Variants in TUBGCP6 observed in about 807,000 individuals in gnomAD.
TUBGCP6 encodes gamma-tubulin complex component 6.
A neutral mutation model predicts 175.8 loss-of-function variants in TUBGCP6; 161 were observed. The observed-to-expected ratio is 0.92, with a 90% CI of 0.81 to 1.04. TUBGCP6 has a LOEUF of 1.04. Ranked by LOEUF, TUBGCP6 falls within the 50% of genes least tolerant of loss-of-function variation. The pLI is 0.00. For synonymous variants in TUBGCP6, 1,173 were observed against 1,030.5 expected (o/e 1.14, Z -2.65); for missense variants, 2,572 against 2,433.0 (o/e 1.06, Z -1.20).
In TUBGCP6 at chr22:50,244,479, C is replaced by A. The variant is rs2064893259; in HGVS notation, c.-20G>T. 1.9e-6 allele frequency: 3 copies of A among 1,588,800 alleles called. No individual in the cohort carries two copies. The highest frequency in any genetic ancestry group is 3.5e-5 in the Admixed American group (2 of 57,336). The stretch of plus-strand genomic sequence containing the variant: ...GGCCATGCCCCTTCTCAGCTCCGGG[C>A]CCCCGGCGTGTGGGAAAACACCTCA... On this transcript the variant is annotated 5_prime_UTR_variant, in exon 1 of 25. Transcript: ENST00000248846.
chr22:50,221,131 C>T lies in TUBGCP6; in HGVS notation c.3228G>A (p.Arg1076=), dbSNP rs748845944. Residue 1076 remains arginine (R), a synonymous_variant, in exon 16 of 25, where the codon CGG becomes CGA. Transcript: ENST00000248846. ...NVSDVAPTQP[R]WNTHGHVSNA... ...TGGATACGTGTCCGTGGGTGTTCCA[C>T]CGTGGCTGGGTGGGAGCCACATCTG... is the stretch of plus-strand genomic sequence containing the variant. The T allele has an allele frequency of 3.7e-6, 6 of 1,613,252 alleles. No homozygotes were observed. In the South Asian group the frequency reaches 5.5e-5, roughly 15 times the overall value.
Position 50,221,578 on chromosome 22 carries a change from C to A in TUBGCP6, c.2781G>T (p.Leu927Phe), listed in dbSNP as rs1463707464. ...CCCCAGGAGCTGAGGGGGGCAGGTC[C>A]AAGTTAATGGTCTGCAGCGCCACCT... ...LLEVALQTIN[L>F]DLPPSAPGEA... The change falls in exon 16 of 25, where the codon TTG becomes TTT. Residue 927 changes from leucine to phenylalanine, a missense_variant. Coordinates refer to ENST00000248846, the MANE Select transcript of TUBGCP6 (RefSeq NM_020461.4). 1.3e-6 allele frequency: 2 copies of A among 1,584,844 alleles called. No homozygotes were observed. The highest frequency in any genetic ancestry group is 1.7e-6 in the Non-Finnish European group (2 of 1,163,534).
At chr22:50,241,602 T>G (rs1251242215) in intron 1 of TUBGCP6, among the ~76,000 whole-genome samples, 1 of 152,178 alleles carries the variant, frequency 6.6e-6, no homozygotes, top group East Asian at 1.9e-4. Flanking sequence ...TAGATAGCAG[T>G]AGCAAATTAG....
chr22:50,219,203 G>A lies in TUBGCP6; in HGVS notation c.4491C>T (p.Ser1497=). ...AGTCGACAGCGGCCTTGTTCACCAA[G>A]GAGATGCTGGCAGGAGGGAGCTGGA... The part of the protein sequence containing the change: ...SITAPLAAHI[S]LVNKAAVDYF... Residue 1497 remains serine, a synonymous_variant, in exon 20 of 25, where the codon TCC becomes TCT. Coordinates refer to ENST00000248846, the MANE Select transcript of TUBGCP6 (RefSeq NM_020461.4). The A allele has an allele frequency of 6.2e-7, 1 of 1,611,228 alleles. No individual in the cohort carries two copies. The highest frequency in any genetic ancestry group is 8.5e-7 in the Non-Finnish European group (1 of 1,179,984).
In TUBGCP6 at chr22:50,244,243, A is replaced by T. The variant is rs1443674471; in HGVS notation, c.217T>A (p.Leu73Met). 1.2e-6 allele frequency: 2 copies of T among 1,613,536 alleles called. No homozygotes were observed. Among genetic ancestry groups the T allele is most frequent in the South Asian group, 2.2e-5 (2 of 91,086 alleles). Residue 73 changes from leucine (L) to methionine (M), a missense_variant, in exon 1 of 25, where the codon TTG becomes ATG. Leu to Met is a conservative substitution (Grantham distance 15). Coordinates refer to ENST00000248846, the MANE Select transcript of TUBGCP6 (RefSeq NM_020461.4). ...CCACCCACTCTCAAGTCAAAGGACA[A>T]CATGAGGATCTTGTTTCTCGCTGGT... The part of the protein sequence containing the change: ...KLPARNKILM[L>M]SFDLRVGGLG...
Position 50,227,926 on chromosome 22 carries a change from T to C in TUBGCP6, c.1393A>G (p.Lys465Glu). 1.9e-6 allele frequency: 3 copies of C among 1,576,238 alleles called. No homozygotes were observed. The highest frequency in any genetic ancestry group is 2.6e-6 in the Non-Finnish European group (3 of 1,160,558). ...GCTCACCTGAGCTGCCGGCCAAGTTTCTTGAAGAGAAAACCAATGGTGAGG... is the reference window on the plus strand; with the variant it reads ...GCTCACCTGAGCTGCCGGCCAAGTTCCTTGAAGAGAAAACCAATGGTGAGG... ...SLLTIGFLFK[K>E]LGRQLRYLAE... Residue 465 changes from lysine to glutamate, a missense_variant, in exon 5 of 25, where the codon AAA becomes GAA. Physicochemically the swap from Lys to Glu is moderately conservative, Grantham distance 56. Coordinates refer to ENST00000248846, the MANE Select transcript of TUBGCP6 (RefSeq NM_020461.4).
intron 1 of TUBGCP6, among the ~76,000 whole-genome samples, chr22:50,241,726 C>T (rs2064841077): frequency 6.6e-6 from 1 of 152,208 alleles, no homozygotes; most frequent in African/African-American, 2.4e-5. Flanking sequence ...ACGTGACCCA[C>T]GTGACCTTAC....
At chr22:50,238,066 G>A (rs898647956) in intron 2 of TUBGCP6, among the ~76,000 whole-genome samples, 3 of 152,110 alleles carry the variant, frequency 2.0e-5, no homozygotes, top group African/African-American at 7.2e-5. Flanking sequence ...CCAGGAGGCA[G>A]AGGTTGCAGT....
chr22:50,228,494 C>A (rs768673557), intron 4 of TUBGCP6, among the ~76,000 whole-genome samples: 3 of 152,182 alleles, frequency 2.0e-5, no homozygotes, highest in African/African-American at 4.8e-5. Flanking sequence ...TCCTGGGCAA[C>A]GCCACAGCAG....
chr22:50,239,316 A>G (rs926715570), intron 2 of TUBGCP6, among the ~76,000 whole-genome samples: 1 of 152,130 alleles, frequency 6.6e-6, no homozygotes, highest in Non-Finnish European at 1.5e-5. Flanking sequence ...AGCTGGGATT[A>G]TAAGCGAGCA....
At chr22:50,233,208 C>A in intron 3 of TUBGCP6, 108 bp downstream of exon 3, 1 of 1,336,206 alleles carries the variant, frequency 7.5e-7, no homozygotes, top group South Asian at 1.4e-5. Flanking sequence ...CCCTGCCACT[C>A]CCCACTCCCT....
chr22:50,222,674 C>T (rs1199654117), intron 13 of TUBGCP6, 82 bp from the exon 14 acceptor site: 6 of 1,570,968 alleles, frequency 3.8e-6, no homozygotes, highest in Non-Finnish European at 5.2e-6. Flanking sequence ...CAGGATGGTT[C>T]TCCATAACAG....
Position 50,217,934 on chromosome 22 carries a change from G to C in TUBGCP6, c.5352C>G (p.Ser1784=), listed in dbSNP as rs755841095. ...GGGCCTCACCTTTGAAGAGAAAGTG[G>C]GAGTAGTACTTGAAGGTGTTGTAGG... The part of the protein sequence containing the change: ...QQSYNTFKYY[S]HFLFKVVTKL... The change falls in exon 24 of 25, where the codon TCC becomes TCG. Residue 1784 remains serine (S), a synonymous_variant. Coordinates refer to ENST00000248846, the MANE Select transcript of TUBGCP6 (RefSeq NM_020461.4). 6.2e-7 allele frequency: 1 copy of C among 1,607,172 alleles called. No individual in the cohort carries two copies. Among genetic ancestry groups the C allele is most frequent in the Non-Finnish European group, 8.5e-7 (1 of 1,175,892 alleles).
chr22:50,233,466 C>G lies in TUBGCP6; in HGVS notation c.966G>C (p.Lys322Asn). The change falls in exon 3 of 25, where the codon AAG (lysine) becomes AAC (asparagine). Residue 322 changes from lysine to asparagine, a missense_variant. Coordinates refer to ENST00000248846, the MANE Select transcript of TUBGCP6 (RefSeq NM_020461.4). Reference sequence around the variant, plus strand: ...GCTCCCCTTGGTGGAGCCTGCAGAACTTGTCGAAAGCGTCCCTTCCCGCCT... The same window carrying G: ...GCTCCCCTTGGTGGAGCCTGCAGAAGTTGTCGAAAGCGTCCCTTCCCGCCT... Reference protein sequence around the residue: ...LTEAGRDAFDKFCRLHQGELQ... With the variant: ...LTEAGRDAFDNFCRLHQGELQ... 1 of 1,612,982 alleles carries G rather than the reference C, an allele frequency of 6.2e-7. No individual in the cohort carries two copies. Among genetic ancestry groups the G allele is most frequent in the Non-Finnish European group, 8.5e-7 (1 of 1,179,522 alleles).
intron 8 of TUBGCP6, 22 bp from the exon 9 acceptor site, chr22:50,226,211 G>A (rs200142188): frequency 2.8e-5 from 46 of 1,614,078 alleles, no homozygotes; most frequent in East Asian, 1.1e-4. Context: ...TGAACACCAC[G>A]GTGGCCGGCA....
At chr22:50,239,339 G>A (rs918056965) in intron 2 of TUBGCP6, among the ~76,000 whole-genome samples, 1 of 152,048 alleles carries the variant, frequency 6.6e-6, no homozygotes, top group Non-Finnish European at 1.5e-5. Context: ...ACCACGCCCA[G>A]CTAATTTTTG....
In TUBGCP6 at chr22:50,224,193, C is replaced by G; in HGVS notation, c.2218G>C (p.Asp740His). The G allele has an allele frequency of 6.2e-7, 1 of 1,614,156 alleles. No homozygotes were observed. Among genetic ancestry groups the G allele is most frequent in the Non-Finnish European group, 8.5e-7 (1 of 1,180,040 alleles). Residue 740 changes from aspartate to histidine, a missense_variant, in exon 13 of 25, where the codon GAC becomes CAC. Transcript: ENST00000248846. ...DDFSYARELR[D>H]RERRLKSLEE... ...AGGGACTTCAGCCTTCTCTCCCTGT[C>G]TCGGAGTTCACGGGCGTAGCTGAAG...
At chr22:50,241,414 C>T (rs2064837640) in intron 1 of TUBGCP6, among the ~76,000 whole-genome samples, 1 of 152,112 alleles carries the variant, frequency 6.6e-6, no homozygotes, top group Admixed American at 6.5e-5. Context: ...GGGAGTCTCC[C>T]TTTCCCTGGG....
At chr22:50,237,324 C>T (rs1390314364) in intron 2 of TUBGCP6, among the ~76,000 whole-genome samples, 1 of 152,246 alleles carries the variant, frequency 6.6e-6, no homozygotes, top group African/African-American at 2.4e-5. Flanking sequence ...CTTTAGCCAC[C>T]TGCTGGTCAG....
Sources: allele counts gnomAD v4.1 joint callset (sites outside exome capture counted in the v4.1 genomes callset), GRCh38; gene constraint gnomAD v4.1.1; transcripts MANE v1.5; gene names NCBI Gene and HGNC (gene_info 2026-07-23, HGNC 2026-07-21).